KLHL28: variants seen among roughly 807,000 people sequenced by gnomAD.
KLHL28 encodes the protein kelch-like protein 28.
A neutral mutation model predicts 48.3 loss-of-function variants in KLHL28; 22 were observed. The observed-to-expected ratio is 0.46, with a 90% CI of 0.33 to 0.65. The LOEUF is 0.65. Ranked by LOEUF, KLHL28 falls within the 30% of genes least tolerant of loss-of-function variation. The pLI is 0.03. For synonymous variants in KLHL28, 243 were observed against 242.4 expected, an observed-to-expected ratio of 1.00 and a Z score of -0.02; for missense variants, 527 against 704.3, an observed-to-expected ratio of 0.75 and a Z score of 2.85.
At chr14:44,932,205 A>T (rs1883619107) in intron 3 of KLHL28, among the ~76,000 whole-genome samples, 1 of 124,182 alleles carries the variant, frequency 8.1e-6, no homozygotes, top group Admixed American at 1.0e-4. Context: ...AGAGGTTTTT[A>T]GGATCTTCTA....
chr14:44,954,480 G>C (rs1264291169), intron 1 of KLHL28, among the ~76,000 whole-genome samples: 1 of 152,108 alleles, frequency 6.6e-6, no homozygotes, highest in Non-Finnish European at 1.5e-5. Flanking sequence ...GAAAACTATA[G>C]AGCATCCACA....
chr14:44,929,066 T>A lies in KLHL28; in HGVS notation c.1678A>T (p.Ile560Leu). 6.2e-7 allele frequency: 1 copy of A among 1,613,920 alleles called. No homozygotes were observed. The highest frequency in any genetic ancestry group is 8.5e-7 in the Non-Finnish European group (1 of 1,179,928). ...SDTWLDSAGM[I>L]YCRCNFGLTA... The stretch of plus-strand genomic sequence containing the variant: ...AACCCAAAGTTGCAGCGACAGTATA[T>A]CATGCCAGCTGAATCCAGCCACGTA... The change falls in exon 5 of 5, where the codon ATA becomes TTA. Residue 560 changes from isoleucine to leucine, a missense_variant. By Grantham distance (5) the Ile-to-Leu change is conservative. Coordinates refer to ENST00000396128, the MANE Select transcript of KLHL28 (RefSeq NM_017658.5).
intron 4 of KLHL28, among the ~76,000 whole-genome samples, chr14:44,929,890 T>C (rs950455260): frequency 9.2e-5 from 14 of 152,146 alleles, no homozygotes; most frequent in African/African-American, 3.1e-4. Flanking sequence ...ACTCTTCCTT[T>C]CCCTTCACTA....
Position 44,950,873 on chromosome 14 carries a change from C to CA in KLHL28, c.1-4946dup, listed in dbSNP as rs371304433. On this transcript the variant is annotated intron_variant, in intron 1 of 4. Transcript: ENST00000396128. Reference sequence around the variant, plus strand: ...CCATGAAATGCCTTTCCATGCATACCAAAAAAGGAAGGAAGTTTGCTTACT... The same window carrying CA: ...CCATGAAATGCCTTTCCATGCATACCAAAAAAAGGAAGGAAGTTTGCTTACT... Among the ~76,000 whole-genome samples the CA allele has an allele frequency of 8.9e-3, 1,360 of 152,056 alleles. 7 individuals are homozygous for CA. The highest frequency in any genetic ancestry group is 0.014 in the Non-Finnish European group (975 of 67,986).
At chr14:44,949,603 T>C (rs995478216) in intron 1 of KLHL28, among the ~76,000 whole-genome samples, 2 of 152,114 alleles carry the variant, frequency 1.3e-5, no homozygotes, top group Admixed American at 6.5e-5. Flanking sequence ...TTTTATGTCC[T>C]GAACTTTGAA....
chr14:44,925,148 T>A lies in KLHL28; in HGVS notation c.*3880A>T, dbSNP rs1036285148. 1.3e-5 allele frequency: 2 copies of A among 152,366 alleles called. No homozygotes were observed. Among genetic ancestry groups the A allele is most frequent in the African/African-American group, 2.4e-5 (1 of 41,450 alleles). The allele number at this position is 152,366 out of a possible 1,614,324, so 9.4% of individuals were successfully genotyped here. On this transcript the variant is annotated 3_prime_UTR_variant, in exon 5 of 5. Transcript: ENST00000396128. ...TGTGACATCTTATAATTCCTTAACT[T>A]TTAGACTACAGAGGTTATGAGGTTA... is the stretch of plus-strand genomic sequence containing the variant.
chr14:44,945,449 T>C lies in KLHL28; in HGVS notation c.480A>G (p.Ile160Met), dbSNP rs544955153. ...RDLYLAATKYICQNFEAVCQT... is the reference protein window; with the variant it reads ...RDLYLAATKYMCQNFEAVCQT... ...GGCAAACAGCTTCAAAATTCTGGCA[T>C]ATGTATTTAGTGGCTGCCAAATAAA... is the stretch of plus-strand genomic sequence containing the variant. Residue 160 changes from isoleucine to methionine, a missense_variant, in exon 2 of 5, where the codon ATA becomes ATG. Transcript: ENST00000396128. The C allele has an allele frequency of 2.0e-5, 33 of 1,614,092 alleles. No homozygotes were observed. The highest frequency in any genetic ancestry group is 2.6e-5 in the Non-Finnish European group (31 of 1,180,040).
intron 2 of KLHL28, among the ~76,000 whole-genome samples, chr14:44,938,377 C>CTT (rs530413999): frequency 1.4e-5 from 2 of 146,436 alleles, no homozygotes; most frequent in Admixed American, 6.8e-5. Flanking sequence ...ACATTGTCTT[C>CTT]TTTTTTTTTT....
At chr14:44,948,100 A>C (rs1397137377) in intron 1 of KLHL28, among the ~76,000 whole-genome samples, 2 of 152,206 alleles carry the variant, frequency 1.3e-5, no homozygotes, top group Non-Finnish European at 2.9e-5. Context: ...TAGACTTAAA[A>C]GTAAAGAATG....
Position 44,927,026 on chromosome 14 carries a change from T to G in KLHL28, c.*2002A>C, listed in dbSNP as rs1201720490. 2.0e-5 allele frequency: 3 copies of G among 152,624 alleles called. No individual in the cohort carries two copies. The East Asian group carries it at 5.8e-4, about 29-fold the overall frequency. 9.5% of individuals were successfully genotyped at this position (152,624 alleles called of 1,614,324 possible). A position where few individuals can be genotyped will look rare whatever the true frequency, so the allele number is the denominator to read the frequency against. On this transcript the variant is annotated 3_prime_UTR_variant, in exon 5 of 5. Transcript: ENST00000396128. ...GTGCACCTATTTCTATGCAATAGAT[T>G]TATTCAAATCAATGAAAAAGTTATT... is the stretch of plus-strand genomic sequence containing the variant.
Position 44,934,317 on chromosome 14 carries a change from C to T in KLHL28, c.1141G>A (p.Val381Ile), listed in dbSNP as rs755659647. 1.9e-6 allele frequency: 3 copies of T among 1,613,776 alleles called. No homozygotes were observed. The highest frequency in any genetic ancestry group is 2.5e-6 in the Non-Finnish European group (3 of 1,179,768). Residue 381 changes from valine (V) to isoleucine (I), a missense_variant, in exon 3 of 5, where the codon GTA (valine) becomes ATA (isoleucine). Coordinates refer to ENST00000396128, the MANE Select transcript of KLHL28 (RefSeq NM_017658.5). ...TAAAGTTCTCCTGCAAGTACTACTA[C>T]TCCAAGAGTACTTCGGCTTTCATTC... ...RMNESRSTLG[V>I]VVLAGELYAL...
At chr14:44,953,208 C>T (rs1162759595) in intron 1 of KLHL28, among the ~76,000 whole-genome samples, 3 of 152,076 alleles carry the variant, frequency 2.0e-5, no homozygotes, top group East Asian at 1.9e-4. Context: ...AAAAGAGAAA[C>T]GTTTAAATAA....
intron 1 of KLHL28, among the ~76,000 whole-genome samples, chr14:44,953,951 T>C (rs1258311628): frequency 6.6e-6 from 1 of 152,130 alleles, no homozygotes; most frequent in Non-Finnish European, 1.5e-5. Context: ...ATATATAAAA[T>C]ATATATCAGT....
In KLHL28 at chr14:44,935,890, G is replaced by GTGTATA. The variant is rs1555337906; in HGVS notation, c.900-1333_900-1332insTATACA. On this transcript the variant is annotated intron_variant, in intron 2 of 4. Coordinates refer to ENST00000396128, the MANE Select transcript of KLHL28 (RefSeq NM_017658.5). ...TATGTGTATGTATATATATATGTGT[G>GTGTATA]TATATATATATATCTTTACCCTCCC... 4.7e-4 allele frequency among the ~76,000 whole-genome samples: 28 copies of GTGTATA among 59,086 alleles called. 1 individual carries two copies. Among genetic ancestry groups the GTGTATA allele is most frequent in the African/African-American group, 9.7e-4 (24 of 24,708 alleles). The allele number at this position is 59,086 out of a possible 152,430, so 38.8% of individuals were successfully genotyped here.
chr14:44,956,404 C>A (rs187085162), intron 1 of KLHL28, among the ~76,000 whole-genome samples: 1 of 152,166 alleles, frequency 6.6e-6, no homozygotes, highest in African/African-American at 2.4e-5. Context: ...GATAATTGGG[C>A]CTTCTGATGG....
rs189498854 is a variant in KLHL28 at position 44,924,512 on chromosome 14, T to C, written c.*4516A>G. 33 of 152,716 alleles carry C rather than the reference T, an allele frequency of 2.2e-4. No homozygotes were observed. In the East Asian group the frequency reaches 6.2e-3, roughly 29 times the overall value. 9.5% of individuals were successfully genotyped at this position (152,716 alleles called of 1,614,324 possible). A position where few individuals can be genotyped will look rare whatever the true frequency, so the allele number is the denominator to read the frequency against. On this transcript the variant is annotated 3_prime_UTR_variant, in exon 5 of 5. Transcript: ENST00000396128. The stretch of plus-strand genomic sequence containing the variant: ...AAAACCCTGATGCTAAAAAGGTACA[T>C]GTTCAGAGGTAAAATACATATACAA...
chr14:44,936,587 A>T (rs1455918894), intron 2 of KLHL28, among the ~76,000 whole-genome samples: 1 of 152,128 alleles, frequency 6.6e-6, no homozygotes, highest in African/African-American at 2.4e-5. Flanking sequence ...AGGGAGTGAA[A>T]GAATAAACTG....
At chr14:44,937,037 G>A in intron 2 of KLHL28, among the ~76,000 whole-genome samples, 1 of 150,526 alleles carries the variant, frequency 6.6e-6, no homozygotes, top group South Asian at 2.1e-4. Context: ...TAATAACAAA[G>A]GCTGGCATCT....
chr14:44,953,977 T>A (rs905800728), intron 1 of KLHL28, among the ~76,000 whole-genome samples: 1 of 152,204 alleles, frequency 6.6e-6, no homozygotes, highest in Admixed American at 6.5e-5. Flanking sequence ...ATAAAATATT[T>A]CTAAAATTTT....
Sources: gnomAD v4.1 joint callset for allele counts (sites outside exome capture counted in the v4.1 genomes callset) on GRCh38, gnomAD v4.1.1 for gene constraint, MANE v1.5 for transcripts, NCBI Gene and HGNC (gene_info 2026-07-23, HGNC 2026-07-21) for gene names.